LRRC7: variants seen among roughly 807,000 people sequenced by gnomAD.
LRRC7 encodes leucine-rich repeat-containing protein 7.
A neutral mutation model predicts 175.7 loss-of-function variants in LRRC7; 23 were observed. That is an observed-to-expected ratio of 0.13 (90% CI 0.09 to 0.19). LRRC7 has a LOEUF of 0.19. Ranked by LOEUF, LRRC7 falls within the 10% of genes least tolerant of loss-of-function variation. The pLI, the probability that LRRC7 is intolerant of heterozygous loss-of-function variation, is 1.00. For missense variants in LRRC7, 1,354 were observed against 1,904.7 expected, an observed-to-expected ratio of 0.71 and a Z score of 5.38; for synonymous variants, 685 against 680.9, an observed-to-expected ratio of 1.01 and a Z score of -0.09.
intron 8 of LRRC7, among the ~76,000 whole-genome samples, chr1:69,953,845 G>T (rs992946350): frequency 2.4e-4 from 37 of 151,964 alleles, no homozygotes; most frequent in Non-Finnish European, 7.4e-5. Flanking sequence ...TAGAAATTCT[G>T]TTTCAGTGAG....
At chr1:69,969,769 G>A (rs1196037318) in intron 8 of LRRC7, among the ~76,000 whole-genome samples, 6 of 151,980 alleles carry the variant, frequency 3.9e-5, no homozygotes, top group Admixed American at 1.3e-4. Context: ...CTATACCCCA[G>A]AACAAATAGA....
At chr1:69,670,131 T>C (rs1658861387) in intron 1 of LRRC7, among the ~76,000 whole-genome samples, 2 of 152,154 alleles carry the variant, frequency 1.3e-5, no homozygotes, top group Non-Finnish European at 2.9e-5. Flanking sequence ...ATGGTCTTGA[T>C]GCTTATAGAT....
At chr1:69,974,667 A>G (rs1222966471) in intron 8 of LRRC7, among the ~76,000 whole-genome samples, 2 of 152,176 alleles carry the variant, frequency 1.3e-5, no homozygotes, top group Admixed American at 6.5e-5. Context: ...CTATTGTATC[A>G]TTTTATGTTG....
In LRRC7 at chr1:70,124,904, G is replaced by T. The variant is rs1666378151; in HGVS notation, c.*3017G>T. On this transcript the variant is annotated 3_prime_UTR_variant, in exon 27 of 27. Coordinates refer to ENST00000651989, the MANE Select transcript of LRRC7 (RefSeq NM_001370785.2). The stretch of plus-strand genomic sequence containing the variant: ...TAAGTCAGTAAGATCTAATGGAGGA[G>T]ACTGAGAAACATTAGAGGTAGAAAG... Among the ~76,000 whole-genome samples the T allele has an allele frequency of 6.6e-6, 1 of 152,182 alleles. No homozygotes were observed. Among genetic ancestry groups the T allele is most frequent in the Non-Finnish European group, 1.5e-5 (1 of 68,042 alleles).
chr1:69,915,061 T>G (rs748478839), intron 7 of LRRC7, among the ~76,000 whole-genome samples: 28 of 152,288 alleles, frequency 1.8e-4, no homozygotes, highest in Admixed American at 4.6e-4. Context: ...GTCAGCACTG[T>G]CACTAATTTT....
At chr1:70,075,872 T>C (rs1262825928) in intron 23 of LRRC7, among the ~76,000 whole-genome samples, 1 of 152,238 alleles carries the variant, frequency 6.6e-6, no homozygotes, top group Non-Finnish European at 1.5e-5. Flanking sequence ...ACTATGAATG[T>C]ATTTAATGTG....
chr1:69,619,279 T>C (rs932937424), intron 1 of LRRC7, among the ~76,000 whole-genome samples: 2 of 152,170 alleles, frequency 1.3e-5, no homozygotes, highest in African/African-American at 4.8e-5. Context: ...TATGTTGACA[T>C]TGGCACTGAT....
intron 1 of LRRC7, among the ~76,000 whole-genome samples, chr1:69,625,812 G>A (rs1395143920): frequency 6.6e-6 from 1 of 152,022 alleles, no homozygotes; most frequent in Non-Finnish European, 1.5e-5. Flanking sequence ...GAATTTTCTA[G>A]TTACCTTTAT....
At chr1:69,719,834 T>G (rs1162743175) in intron 2 of LRRC7, among the ~76,000 whole-genome samples, 1 of 151,612 alleles carries the variant, frequency 6.6e-6, no homozygotes. Flanking sequence ...TTTACATTAT[T>G]TATGGATTGA....
chr1:70,100,469 T>C (rs1273058972), intron 25 of LRRC7, among the ~76,000 whole-genome samples: 1 of 152,118 alleles, frequency 6.6e-6, no homozygotes, highest in Non-Finnish European at 1.5e-5. Flanking sequence ...CACTAAGAGA[T>C]TTGTGATCCC....
chr1:69,851,315 C>CAGCA (rs1331455904), intron 7 of LRRC7, among the ~76,000 whole-genome samples: 1 of 152,102 alleles, frequency 6.6e-6, no homozygotes, highest in Admixed American at 6.6e-5. Context: ...CTGCAAGATG[C>CAGCA]AGCAGTGCAG....
At chr1:69,784,241 C>A in intron 3 of LRRC7, among the ~76,000 whole-genome samples, 1 of 151,370 alleles carries the variant, frequency 6.6e-6, no homozygotes. Flanking sequence ...TAAACAGAAG[C>A]GAGGGAATTA....
At chr1:70,084,470 G>A (rs1397951535) in intron 24 of LRRC7, among the ~76,000 whole-genome samples, 1 of 152,134 alleles carries the variant, frequency 6.6e-6, no homozygotes, top group African/African-American at 2.4e-5. Context: ...AATGTAGCAT[G>A]TATCAGTATT....
rs1667090380 is a variant in LRRC7 at position 70,142,246 on chromosome 1, T to C, written c.*20359T>C. The C allele has an allele frequency of 6.6e-6, 1 of 152,170 alleles. No individual in the cohort carries two copies. The highest frequency in any genetic ancestry group is 1.5e-5 in the Non-Finnish European group (1 of 67,990). 9.4% of individuals were successfully genotyped at this position (152,170 alleles called of 1,614,324 possible). A position where few individuals can be genotyped will look rare whatever the true frequency, so the allele number is the denominator to read the frequency against. On this transcript the variant is annotated 3_prime_UTR_variant, in exon 27 of 27. Transcript: ENST00000651989. ...TTGGCTTGAATGTGGAAAAGGCATC[T>C]GGTTCAGGTCAGTAAGGACTGTTGT... is the stretch of plus-strand genomic sequence containing the variant.
intron 12 of LRRC7, 107 bp from the exon 13 acceptor site, chr1:70,012,860 TGTTAAAA>T (rs1656636951): frequency 2.2e-6 from 1 of 445,160 alleles, no homozygotes; most frequent in Non-Finnish European, 3.9e-6. Flanking sequence ...ACAATGCACA[TGTTAAAA>T]GTTAAAAATA....
At chr1:69,609,793 C>G (rs1648407746) in intron 1 of LRRC7, among the ~76,000 whole-genome samples, 2 of 151,974 alleles carry the variant, frequency 1.3e-5, no homozygotes, top group Non-Finnish European at 2.9e-5. Flanking sequence ...TACAATGCAA[C>G]AATAAAACAT....
chr1:69,740,621 G>A (rs1668607416), intron 2 of LRRC7, among the ~76,000 whole-genome samples: 1 of 152,068 alleles, frequency 6.6e-6, no homozygotes. Context: ...CAACTGGGTT[G>A]ATTACAGCTC....
intron 4 of LRRC7, among the ~76,000 whole-genome samples, chr1:69,813,054 C>A (rs1428199108): frequency 6.6e-6 from 1 of 152,090 alleles, no homozygotes; most frequent in Non-Finnish European, 1.5e-5. Flanking sequence ...CCCATTCTCC[C>A]ATTTCCAGAA....
intron 7 of LRRC7, among the ~76,000 whole-genome samples, chr1:69,849,354 T>G (rs1682721806): frequency 6.6e-6 from 1 of 151,972 alleles, no homozygotes; most frequent in Non-Finnish European, 1.5e-5. Context: ...TAAAAAGTCA[T>G]TAAGGCTATC....
Sources: gnomAD v4.1 joint callset for allele counts (sites outside exome capture counted in the v4.1 genomes callset) on GRCh38, gnomAD v4.1.1 for gene constraint, MANE v1.5 for transcripts, NCBI Gene and HGNC (gene_info 2026-07-23, HGNC 2026-07-21) for gene names.